The following MKKS variants were observed in gnomAD, a reference collection of about 807,000 sequenced individuals.
MKKS encodes molecular chaperone MKKS.
MKKS carries 29 observed loss-of-function variants against 33.2 expected under a neutral mutation model. The observed-to-expected ratio is 0.87, with a 90% CI of 0.65 to 1.19. The LOEUF is 1.19. Ranked by LOEUF, MKKS falls within the 50% of genes most tolerant of loss-of-function variation. MKKS has a pLI of 0.00. For missense variants in MKKS, 661 were observed against 662.3 expected, an observed-to-expected ratio of 1.00 and a Z score of 0.02; for synonymous variants, 260 against 244.0, an observed-to-expected ratio of 1.07 and a Z score of -0.61.
At chr20:10,426,691 G>A (rs144322609) in intron 1 of MKKS, among the ~76,000 whole-genome samples, 2 of 152,280 alleles carry the variant, frequency 1.3e-5, no homozygotes, top group African/African-American at 2.4e-5. Context: ...AGCCATGCAC[G>A]CCCCGTGGCA....
chr20:10,403,757 G>A lies in MKKS; in HGVS notation c.*1490C>T, dbSNP rs1482781709. ...TATGCAAGGTCTGAAACTAGGAGGT[G>A]GGGCCACCTTAGAGGCTGCCTACCA... On this transcript the variant is annotated 3_prime_UTR_variant, in exon 6 of 6. Transcript: ENST00000347364. 1 of 152,136 alleles carries A rather than the reference G, an allele frequency of 6.6e-6. No individual in the cohort carries two copies. The highest frequency in any genetic ancestry group is 1.5e-5 in the Non-Finnish European group (1 of 68,036). The allele number at this position is 152,136 out of a possible 1,614,324, so 9.4% of individuals were successfully genotyped here.
Position 10,408,735 on chromosome 20 carries a change from T to C in MKKS, c.1054A>G (p.Thr352Ala). Residue 352 changes from threonine (T) to alanine (A), a missense_variant, in exon 4 of 6, where the codon ACT becomes GCT. By Grantham distance (58) the Thr-to-Ala change is moderately conservative. Transcript: ENST00000347364. Reference sequence around the variant, plus strand: ...AAATGTTTGGAGCCAAATTTTGCAGTGCACACATCTTTCACACTTCCATAA... The same window carrying C: ...AAATGTTTGGAGCCAAATTTTGCAGCGCACACATCTTTCACACTTCCATAA... ...NSYGSVKDVC[T>A]AKFGSKHFFH... 1.9e-6 allele frequency: 3 copies of C among 1,613,896 alleles called. No individual in the cohort carries two copies. The highest frequency in any genetic ancestry group is 2.5e-6 in the Non-Finnish European group (3 of 1,179,808).
chr20:10,431,335 CTTCA>C (rs137906339), intron 1 of MKKS, among the ~76,000 whole-genome samples: 2,652 of 152,140 alleles, frequency 0.017, 80 homozygotes, highest in African/African-American at 0.06. Flanking sequence ...GCAATTTTCA[CTTCA>C]AATATGTACA....
At chr20:10,419,107 T>G (rs904653942) in intron 2 of MKKS, among the ~76,000 whole-genome samples, 19 of 152,264 alleles carry the variant, frequency 1.2e-4, no homozygotes, top group Admixed American at 1.2e-3. Flanking sequence ...AGTCAAAATC[T>G]CAGACCAAGG....
At chr20:10,419,556 C>G (rs2064965109) in intron 2 of MKKS, among the ~76,000 whole-genome samples, 1 of 152,000 alleles carries the variant, frequency 6.6e-6, no homozygotes, top group African/African-American at 2.4e-5. Context: ...AGCACTAAAC[C>G]CTATATATAC....
intron 1 of MKKS, among the ~76,000 whole-genome samples, chr20:10,432,789 CAA>C (rs71184200): frequency 1.1e-3 from 81 of 74,578 alleles, no homozygotes; most frequent in African/African-American, 2.2e-3. Flanking sequence ...GACTCTTTGT[CAA>C]AAAAAAAAAA....
In MKKS at chr20:10,426,793, G is replaced by A. The variant is rs193190304; in HGVS notation, c.-648-6035C>T. On this transcript the variant is annotated intron_variant, in intron 1 of 5. Transcript: ENST00000347364. Reference sequence around the variant, plus strand: ...TTAGAGGGCATCTTACAGTTCTGGAGGTAAGAAAAACAAAAAAATTAGAGG... The same window carrying A: ...TTAGAGGGCATCTTACAGTTCTGGAAGTAAGAAAAACAAAAAAATTAGAGG... Among the ~76,000 whole-genome samples the A allele has an allele frequency of 1.3e-3, 197 of 152,232 alleles. 1 individual carries two copies. The highest frequency in any genetic ancestry group is 4.5e-3 in the African/African-American group (187 of 41,540).
intron 1 of MKKS, among the ~76,000 whole-genome samples, chr20:10,425,811 C>T (rs2065010839): frequency 6.6e-6 from 1 of 152,100 alleles, no homozygotes; most frequent in Admixed American, 6.5e-5. Context: ...GATTTTTTCC[C>T]TTCCTTACCC....
At position 10,401,782 on chromosome 20, in the gene MKKS, A is replaced by T. The variant is rs1829881569; in HGVS notation, c.*3465T>A. 1.3e-5 allele frequency: 2 copies of T among 152,178 alleles called. No individual in the cohort carries two copies. The highest frequency in any genetic ancestry group is 1.3e-4 in the Admixed American group (2 of 15,282). 9.4% of individuals were successfully genotyped at this position (152,178 alleles called of 1,614,324 possible). A position where few individuals can be genotyped will look rare whatever the true frequency, so the allele number is the denominator to read the frequency against. On this transcript the variant is annotated 3_prime_UTR_variant, in exon 6 of 6. Coordinates refer to ENST00000347364, the MANE Select transcript of MKKS (RefSeq NM_170784.3). ...TAATACAAACCAAATGAGTTCAAGG[A>T]TACCTATAATAAAAGATATTAATGT...
chr20:10,426,827 G>A (rs530761093), intron 1 of MKKS, among the ~76,000 whole-genome samples: 1 of 152,294 alleles, frequency 6.6e-6, no homozygotes, highest in South Asian at 2.1e-4. Flanking sequence ...GGGCAAAAGA[G>A]TCTATATCCT....
In MKKS at chr20:10,402,974, TGGG is replaced by T. The variant is rs1198269984; in HGVS notation, c.*2270_*2272del. ...AGATTTTGTGGGTTAGGAACCAACC[TGGG>T]AGTAGCTTAGCTGGCTTTTTTGCAT... On this transcript the variant is annotated 3_prime_UTR_variant, in exon 6 of 6. Transcript: ENST00000347364. The T allele has an allele frequency of 6.6e-6, 1 of 152,248 alleles. No individual in the cohort carries two copies. Among genetic ancestry groups the T allele is most frequent in the African/African-American group, 2.4e-5 (1 of 41,456 alleles). The allele number at this position is 152,248 out of a possible 1,614,324, so 9.4% of individuals were successfully genotyped here. A position where few individuals can be genotyped will look rare whatever the true frequency, so the allele number is the denominator to read the frequency against.
chr20:10,405,237 T>C lies in MKKS; in HGVS notation c.*10A>G, dbSNP rs144934812. On this transcript the variant is annotated 3_prime_UTR_variant, in exon 6 of 6. Transcript: ENST00000347364. The stretch of plus-strand genomic sequence containing the variant: ...ATTTGTTTCTCTTGTAATACGAACA[T>C]GCTATTCTCTTAGTTTTTATCTTCA... 1.3e-4 allele frequency: 203 copies of C among 1,598,000 alleles called. 2 individuals carry two copies. The African/African-American group carries it at 2.0e-3, about 16-fold the overall frequency.
rs766132697 is a variant in MKKS, at chr20:10,413,394, C to G, written c.121G>C (p.Gly41Arg). ...CCATTGTGCAGCTGCTTCAGCCTAC[C>G]TGAGGGGCCATAGCATGATGTTACA... Reference protein sequence around the residue: ...RIVTSCYGPSGRLKQLHNGFG... With the variant: ...RIVTSCYGPSRRLKQLHNGFG... The change falls in exon 3 of 6, where the codon GGT becomes CGT. Residue 41 changes from glycine to arginine, a missense_variant. By Grantham distance (125) the Gly-to-Arg change is moderately radical. Coordinates refer to ENST00000347364, the MANE Select transcript of MKKS (RefSeq NM_170784.3). The G allele has an allele frequency of 2.0e-5, 33 of 1,612,846 alleles. No individual in the cohort carries two copies. The highest frequency in any genetic ancestry group is 2.6e-5 in the Non-Finnish European group (31 of 1,178,960).
chr20:10,421,925 A>T (rs2064983260), intron 1 of MKKS, among the ~76,000 whole-genome samples: 1 of 152,098 alleles, frequency 6.6e-6, no homozygotes, highest in Admixed American at 6.6e-5. Context: ...TCCACCATCT[A>T]TGAGACATGC....
intron 5 of MKKS, among the ~76,000 whole-genome samples, 180 bp downstream of exon 5, chr20:10,407,436 C>A (rs1369535289): frequency 6.6e-6 from 1 of 152,162 alleles, no homozygotes; most frequent in East Asian, 1.9e-4. Flanking sequence ...ATTTAGACTA[C>A]TGAAAAATTC....
chr20:10,431,884 A>G (rs1600863436), intron 1 of MKKS: 1 of 152,314 alleles, frequency 6.6e-6, no homozygotes, highest in East Asian at 1.9e-4. Flanking sequence ...ACCTACTCAG[A>G]GAGCCTTTCT....
chr20:10,431,511 T>C (rs1308489733), intron 1 of MKKS, among the ~76,000 whole-genome samples: 1 of 149,268 alleles, frequency 6.7e-6, no homozygotes, highest in Non-Finnish European at 1.5e-5. Context: ...CATAACTCAA[T>C]GCTGTATAGG....
At chr20:10,422,361 A>G (rs1198700042) in intron 1 of MKKS, among the ~76,000 whole-genome samples, 1 of 152,166 alleles carries the variant, frequency 6.6e-6, no homozygotes, top group Non-Finnish European at 1.5e-5. Context: ...TTTTATTGAC[A>G]TGCTTATGTT....
In MKKS at chr20:10,405,212, A is replaced by G; in HGVS notation, c.*35T>C. On this transcript the variant is annotated 3_prime_UTR_variant, in exon 6 of 6. Coordinates refer to ENST00000347364, the MANE Select transcript of MKKS (RefSeq NM_170784.3). ...TTCTCAATTGCCAACAGACTAGTTT[A>G]TTTGTTTCTCTTGTAATACGAACAT... 1 of 1,536,684 alleles carries G rather than the reference A, an allele frequency of 6.5e-7. No individual in the cohort carries two copies.
Sources: gnomAD v4.1 joint callset for allele counts (sites outside exome capture counted in the v4.1 genomes callset) on GRCh38, gnomAD v4.1.1 for gene constraint, MANE v1.5 for transcripts, NCBI Gene and HGNC (gene_info 2026-07-23, HGNC 2026-07-21) for gene names.